The following CCDC88C variants were observed in gnomAD, a reference collection of about 807,000 sequenced individuals.
CCDC88C encodes the protein protein Daple.
Under a neutral mutation model 198.8 loss-of-function variants are expected in CCDC88C, and 131 were observed. The observed-to-expected ratio is 0.66, with a 90% CI of 0.57 to 0.76. The LOEUF (loss-of-function observed/expected upper bound fraction) is 0.76, where lower values mean the gene tolerates loss of function less well. Ranked by LOEUF, CCDC88C falls within the 30% of genes least tolerant of loss-of-function variation. CCDC88C has a pLI of 0.00. For missense variants in CCDC88C, 2,553 were observed against 2,631.6 expected (o/e 0.97, Z 0.65); for synonymous variants, 1,166 against 1,114.7 (o/e 1.05, Z -0.92).
At chr14:91,372,209 G>A (rs910338358) in intron 3 of CCDC88C, among the ~76,000 whole-genome samples, 2 of 151,774 alleles carry the variant, frequency 1.3e-5, no homozygotes, top group African/African-American at 4.9e-5. Context: ...GGAGGTGGAG[G>A]GTATGAAGCC....
At chr14:91,365,713 C>A (rs1481224323) in intron 3 of CCDC88C, among the ~76,000 whole-genome samples, 3 of 152,152 alleles carry the variant, frequency 2.0e-5, no homozygotes, top group Non-Finnish European at 4.4e-5. Context: ...TCTGAGTCAA[C>A]CATCTACTAT....
intron 3 of CCDC88C, among the ~76,000 whole-genome samples, chr14:91,395,170 G>C (rs187749687): frequency 9.7e-4 from 147 of 152,300 alleles, no homozygotes; most frequent in Non-Finnish European, 4.1e-4. Context: ...CAGATGGTGA[G>C]GCTCTTGGTT....
intron 3 of CCDC88C, among the ~76,000 whole-genome samples, chr14:91,382,770 A>G (rs369441031): frequency 1.3e-5 from 2 of 151,870 alleles, no homozygotes; most frequent in African/African-American, 2.4e-5. Context: ...TCAAGCGAAC[A>G]CTCCAAACCC....
intron 18 of CCDC88C, 129 bp from the exon 19 acceptor site, chr14:91,306,055 G>A (rs887576304): frequency 1.5e-4 from 127 of 827,764 alleles, no homozygotes; most frequent in Non-Finnish European, 2.3e-4. Flanking sequence ...TCCGCTGGAT[G>A]AGGTCAGTAT....
intron 22 of CCDC88C, among the ~76,000 whole-genome samples, chr14:91,296,262 G>A (rs1567057852): frequency 6.6e-6 from 1 of 152,202 alleles, no homozygotes; most frequent in Non-Finnish European, 1.5e-5. Flanking sequence ...GTTCCACCCT[G>A]AGTGAATCAT....
chr14:91,334,746 G>C (rs899054586), intron 10 of CCDC88C, among the ~76,000 whole-genome samples: 2 of 152,126 alleles, frequency 1.3e-5, no homozygotes, highest in African/African-American at 4.8e-5. Flanking sequence ...AGGTAACGCC[G>C]GGCCTTGACA....
intron 10 of CCDC88C, among the ~76,000 whole-genome samples, chr14:91,330,689 G>C (rs985500450): frequency 6.6e-6 from 1 of 152,196 alleles, no homozygotes; most frequent in Non-Finnish European, 1.5e-5. Context: ...CACCCGAGTG[G>C]ATGTGACTCC....
chr14:91,374,225 T>G (rs1894970758), intron 3 of CCDC88C, among the ~76,000 whole-genome samples: 1 of 152,194 alleles, frequency 6.6e-6, no homozygotes, highest in South Asian at 2.1e-4. Context: ...CGAACAGCAA[T>G]AAATCAGCAT....
At chr14:91,350,544 A>T (rs1893739623) in intron 4 of CCDC88C, among the ~76,000 whole-genome samples, 1 of 152,168 alleles carries the variant, frequency 6.6e-6, no homozygotes, top group Non-Finnish European at 1.5e-5. Context: ...CTGGGGATTT[A>T]AGCAATGGCA....
intron 3 of CCDC88C, among the ~76,000 whole-genome samples, chr14:91,376,226 G>A (rs1884402465): frequency 6.6e-6 from 1 of 152,184 alleles, no homozygotes; most frequent in Non-Finnish European, 1.5e-5. Context: ...AAACACCCAG[G>A]TGCTCGTCGC....
chr14:91,359,593 A>G (rs1894207942), intron 4 of CCDC88C, 49 bp downstream of exon 4: 1 of 1,484,878 alleles, frequency 6.7e-7, no homozygotes, highest in Non-Finnish European at 9.3e-7. Flanking sequence ...GCCCAACGCC[A>G]TGCCTCTGGC....
rs1202419452 is a variant in CCDC88C at position 91,313,282 on chromosome 14, C to A, written c.2534G>T (p.Trp845Leu). Reference protein sequence around the residue: ...KLLEKEAKRLWQQVELKDAVL... With the variant: ...KLLEKEAKRLLQQVELKDAVL... ...TGCATCCTTGAGCTCCACCTGCTGC[C>A]ACAGCCGCTTGGCCTCCTTCTCCAG... The change falls in exon 15 of 30, where the codon TGG (tryptophan) becomes TTG (leucine). Residue 845 changes from tryptophan to leucine, a missense_variant. By Grantham distance (61) the Trp-to-Leu change is moderately conservative (BLOSUM62 -2). Coordinates refer to ENST00000389857, the MANE Select transcript of CCDC88C (RefSeq NM_001080414.4). The surrounding 1 kb of genome is among the most constrained non-coding windows in gnomAD (Gnocchi z 5.2). The A allele has an allele frequency of 6.2e-7, 1 of 1,613,904 alleles. No individual in the cohort carries two copies. Among genetic ancestry groups the A allele is most frequent in the Non-Finnish European group, 8.5e-7 (1 of 1,179,796 alleles).
chr14:91,321,077 A>C, intron 13 of CCDC88C, 43 bp downstream of exon 13: 1 of 1,546,068 alleles, frequency 6.5e-7, no homozygotes, highest in Non-Finnish European at 8.7e-7. Context: ...GAGGGTGCCC[A>C]AGGGTTCTGT....
chr14:91,276,735 G>A (rs1889980618), intron 29 of CCDC88C, among the ~76,000 whole-genome samples: 1 of 152,198 alleles, frequency 6.6e-6, no homozygotes, highest in African/African-American at 2.4e-5. Context: ...CCTCAAAAGG[G>A]CTCAATTGCA....
At chr14:91,291,443 C>T (rs958537067) in intron 23 of CCDC88C, among the ~76,000 whole-genome samples, 2 of 152,170 alleles carry the variant, frequency 1.3e-5, no homozygotes, top group Non-Finnish European at 2.9e-5. Context: ...GAACCTACCC[C>T]GCAGTGGTGA....
At chr14:91,295,180 T>C (rs937680631) in intron 22 of CCDC88C, among the ~76,000 whole-genome samples, 5 of 152,174 alleles carry the variant, frequency 3.3e-5, no homozygotes, top group African/African-American at 1.2e-4. Context: ...TAACTTTAAC[T>C]TCACCATTAA....
chr14:91,331,418 G>A (rs1240959852), intron 10 of CCDC88C, among the ~76,000 whole-genome samples: 1 of 152,200 alleles, frequency 6.6e-6, no homozygotes, highest in Non-Finnish European at 1.5e-5. Context: ...GAGGAGCTGG[G>A]GCCCTGTCTC....
rs762604231 is a variant in CCDC88C, at chr14:91,315,749, C to T, written c.1566G>A (p.Gln522=). Reference sequence around the variant, plus strand: ...TGAGGGTCTCCAGATCTTGGTTGCTCTGCTTTTCTCTCTCCAGCTGGGTTT... The same window carrying T: ...TGAGGGTCTCCAGATCTTGGTTGCTTTGCTTTTCTCTCTCCAGCTGGGTTT... The part of the protein sequence containing the change: ...KLQTQLEREK[Q]SNQDLETLSE... Residue 522 remains glutamine (Q), a synonymous_variant, in exon 14 of 30, where the codon CAG becomes CAA. Transcript: ENST00000389857. 1 of 1,613,522 alleles carries T rather than the reference C, an allele frequency of 6.2e-7. No homozygotes were observed. Among genetic ancestry groups the T allele is most frequent in the African/African-American group, 1.3e-5 (1 of 74,920 alleles).
At chr14:91,304,086 G>C in intron 19 of CCDC88C, 108 bp from the exon 20 acceptor site, 2 of 1,314,570 alleles carry the variant, frequency 1.5e-6, no homozygotes, top group African/African-American at 1.4e-5. Flanking sequence ...GGACCCTCAG[G>C]GCAGAAGACC....
Sources: allele counts gnomAD v4.1 joint callset (sites outside exome capture counted in the v4.1 genomes callset), GRCh38; gene constraint gnomAD v4.1.1; non-coding constraint Gnocchi (gnomAD v3.1); transcripts MANE v1.5; gene names NCBI Gene and HGNC (gene_info 2026-07-23, HGNC 2026-07-21).